TRPC4AP: variants seen among roughly 807,000 people sequenced by gnomAD.
TRPC4AP encodes the protein transient receptor potential cation channel subfamily C member 4 associated protein.
A neutral mutation model predicts 99.0 loss-of-function variants in TRPC4AP; 45 were observed. The observed-to-expected ratio is 0.45, with a 90% confidence interval of 0.36 to 0.58. The LOEUF is 0.58. Ranked by LOEUF, TRPC4AP falls within the 20% of genes least tolerant of loss-of-function variation. The probability of loss-of-function intolerance (pLI) is 0.00; values close to 1 mark genes in which losing one functional copy is unlikely to be tolerated. For synonymous variants in TRPC4AP, 408 were observed against 385.8 expected, an observed-to-expected ratio of 1.06 and a Z score of -0.67; for missense variants, 879 against 985.3, an observed-to-expected ratio of 0.89 and a Z score of 1.44.
chr20:35,063,143 G>C (rs1417505402), intron 3 of TRPC4AP, among the ~76,000 whole-genome samples: 1 of 152,206 alleles, frequency 6.6e-6, no homozygotes, highest in Non-Finnish European at 1.5e-5. Flanking sequence ...TTTTATAAGT[G>C]TCTGGCATTT....
chr20:35,091,991 GCAAACC>G, intron 1 of TRPC4AP, among the ~76,000 whole-genome samples: 1 of 152,150 alleles, frequency 6.6e-6, no homozygotes, highest in Non-Finnish European at 1.5e-5. Context: ...CTCTACACTA[GCAAACC>G]AGATATAGTC....
intron 1 of TRPC4AP, among the ~76,000 whole-genome samples, chr20:35,090,581 C>T (rs1316036458): frequency 1.3e-5 from 2 of 152,012 alleles, no homozygotes; most frequent in Non-Finnish European, 2.9e-5. Context: ...GCCATGTTGG[C>T]CAGGCTGGTC....
chr20:35,065,075 A>T (rs1373304281), intron 3 of TRPC4AP, among the ~76,000 whole-genome samples: 1 of 152,216 alleles, frequency 6.6e-6, no homozygotes, highest in African/African-American at 2.4e-5. Context: ...TCCAAGTAAG[A>T]CGTAAGATGC....
At chr20:35,024,071 T>C (rs923040676) in intron 8 of TRPC4AP, among the ~76,000 whole-genome samples, 6 of 151,692 alleles carry the variant, frequency 4.0e-5, no homozygotes, top group African/African-American at 7.3e-5. Flanking sequence ...ACCACACCGA[T>C]TGGAGCGGTC....
At chr20:35,004,639 T>A (rs1326633627) in intron 16 of TRPC4AP, 69 bp from the exon 17 acceptor site, 2 of 1,353,754 alleles carry the variant, frequency 1.5e-6, no homozygotes, top group East Asian at 4.9e-5. Flanking sequence ...AGGCCTTTCG[T>A]GGAGCCCCGC....
intron 1 of TRPC4AP, among the ~76,000 whole-genome samples, chr20:35,084,885 T>C (rs1413425955): frequency 6.6e-6 from 1 of 152,120 alleles, no homozygotes; most frequent in African/African-American, 2.4e-5. Context: ...TATATGGCCC[T>C]GCTGTAAATA....
chr20:35,021,747 T>C (rs1178883846), intron 8 of TRPC4AP, among the ~76,000 whole-genome samples: 1 of 152,212 alleles, frequency 6.6e-6, no homozygotes, highest in Admixed American at 6.5e-5. Context: ...CCCTGCTTAC[T>C]TGGTTCTTCT....
chr20:35,038,205 G>A (rs763575596), intron 7 of TRPC4AP, among the ~76,000 whole-genome samples: 6 of 150,576 alleles, frequency 4.0e-5, no homozygotes, highest in Non-Finnish European at 8.8e-5. Flanking sequence ...ACTTTAAGAC[G>A]GCTAATTTTA....
intron 1 of TRPC4AP, among the ~76,000 whole-genome samples, chr20:35,086,537 G>GTATATATATATC (rs1289641922): frequency 1.5e-5 from 1 of 65,038 alleles, no homozygotes; most frequent in Admixed American, 1.7e-4. Flanking sequence ...GTGTGTGTGT[G>GTATATATATATC]TGTGTGTGTG....
At chr20:35,033,131 T>G (rs1379046364) in intron 8 of TRPC4AP, among the ~76,000 whole-genome samples, 1 of 152,008 alleles carries the variant, frequency 6.6e-6, no homozygotes, top group Non-Finnish European at 1.5e-5. Context: ...GAGACAGAGG[T>G]TGCAGTGAGC....
At chr20:35,027,116 A>G (rs1217768277) in intron 8 of TRPC4AP, among the ~76,000 whole-genome samples, 1 of 152,186 alleles carries the variant, frequency 6.6e-6, no homozygotes, top group African/African-American at 2.4e-5. Context: ...ACTTCCAGAA[A>G]CGATCAGGAA....
At chr20:35,041,472 T>C (rs2083445092) in intron 7 of TRPC4AP, among the ~76,000 whole-genome samples, 2 of 152,098 alleles carry the variant, frequency 1.3e-5, no homozygotes, top group South Asian at 4.1e-4. Flanking sequence ...GAATCACACA[T>C]AGACTGTCTA....
In TRPC4AP at chr20:35,003,158, G is replaced by T. The variant is rs1250166974; in HGVS notation, c.2382C>A (p.Phe794Leu). Residue 794 changes from phenylalanine (F) to leucine (L), a missense_variant, in exon 19 of 19, where the codon TTC (phenylalanine) becomes TTA (leucine). Phe to Leu is a conservative substitution (Grantham distance 22). Coordinates refer to ENST00000252015, the MANE Select transcript of TRPC4AP (RefSeq NM_015638.3). Reference protein sequence around the residue: ...EEPYMDIDRDFTEE With the variant: ...EEPYMDIDRDLTEE ...GCCTGGCCCAAGGTCACTCCTCAGT[G>T]AAGTCCCTGTCTATGTCCATGTAGG... The T allele has an allele frequency of 6.2e-7, 1 of 1,614,200 alleles. No homozygotes were observed. Among genetic ancestry groups the T allele is most frequent in the Non-Finnish European group, 8.5e-7 (1 of 1,180,018 alleles).
chr20:35,015,795 G>A (rs914977273), intron 10 of TRPC4AP, among the ~76,000 whole-genome samples: 3 of 152,136 alleles, frequency 2.0e-5, no homozygotes, highest in Non-Finnish European at 4.4e-5. Context: ...AGCCTAGGAA[G>A]ATCTTAAAAG....
chr20:35,025,055 CT>C (rs1489735463), intron 8 of TRPC4AP, among the ~76,000 whole-genome samples: 1 of 152,056 alleles, frequency 6.6e-6, no homozygotes, highest in Non-Finnish European at 1.5e-5. Context: ...CTGCTAGACT[CT>C]TTTCTAAAGT....
At position 35,086,890 on chromosome 20, in the gene TRPC4AP, G is replaced by C. The variant is rs889075643; in HGVS notation, c.168+5724C>G. On this transcript the variant is annotated intron_variant, in intron 1 of 18. Transcript: ENST00000252015. ...TTTACTAAAAATACAAAAAGTAGCC[G>C]GGCATGGTGGCACATGCCTATAGTC... Among the ~76,000 whole-genome samples, 9 of 151,732 alleles carry C rather than the reference G, an allele frequency of 5.9e-5. No individual in the cohort carries two copies. In the South Asian group the frequency reaches 1.7e-3, roughly 28 times the overall value.
At chr20:35,059,742 CGAA>C (rs367598874) in intron 3 of TRPC4AP, among the ~76,000 whole-genome samples, 134 of 149,254 alleles carry the variant, frequency 9.0e-4, no homozygotes, top group Middle Eastern at 3.4e-3. Flanking sequence ...AAGACTACGA[CGAA>C]GAAGAAGAAG....
intron 8 of TRPC4AP, among the ~76,000 whole-genome samples, chr20:35,034,627 G>A (rs1474569574): frequency 6.6e-6 from 1 of 152,172 alleles, no homozygotes; most frequent in African/African-American, 2.4e-5. Context: ...CTGCTGGCCA[G>A]AGTCAAATGC....
At chr20:35,066,111 AT>A (rs374810415) in intron 3 of TRPC4AP, among the ~76,000 whole-genome samples, 132 of 148,286 alleles carry the variant, frequency 8.9e-4, no homozygotes, top group Middle Eastern at 6.9e-3. Context: ...AAAGAGTACA[AT>A]TTTTTTTTTT....
Sources: gnomAD v4.1 joint callset for allele counts (sites outside exome capture counted in the v4.1 genomes callset) on GRCh38, gnomAD v4.1.1 for gene constraint, MANE v1.5 for transcripts, NCBI Gene and HGNC (gene_info 2026-07-23, HGNC 2026-07-21) for gene names.